Variants in DGKI observed in about 807,000 individuals in gnomAD.
DGKI encodes the protein DAG kinase iota.
In DGKI, 55 loss-of-function variants were observed where a neutral mutation model predicts 147.5. That is an observed-to-expected ratio of 0.37 (90% CI 0.30 to 0.47). The LOEUF (loss-of-function observed/expected upper bound fraction) is 0.47, where lower values mean the gene tolerates loss of function less well. Among genes scored for constraint, DGKI ranks in the 20% least tolerant of loss-of-function variants. DGKI has a pLI of 1.00. For synonymous variants in DGKI, 469 were observed against 477.1 expected, an observed-to-expected ratio of 0.98 and a Z score of 0.22; for missense variants, 1,007 against 1,323.8, an observed-to-expected ratio of 0.76 and a Z score of 3.71.
chr7:137,801,733 T>G (rs1797216273), intron 1 of DGKI, among the ~76,000 whole-genome samples: 1 of 152,126 alleles, frequency 6.6e-6, no homozygotes, highest in Non-Finnish European at 1.5e-5. Flanking sequence ...TTGCACCCAC[T>G]GGGGGTGAGA....
intron 1 of DGKI, among the ~76,000 whole-genome samples, chr7:137,818,453 G>A (rs144241798): frequency 3.4e-4 from 52 of 152,212 alleles, no homozygotes; most frequent in African/African-American, 1.3e-3. Flanking sequence ...TTGAGACGGA[G>A]TTTTGCTATT....
intron 28 of DGKI, among the ~76,000 whole-genome samples, chr7:137,424,221 A>G (rs1452678502): frequency 6.6e-6 from 1 of 152,224 alleles, no homozygotes; most frequent in East Asian, 1.9e-4. Context: ...TTACTTCTGA[A>G]GCATGCCCAA....
chr7:137,823,730 C>CA (rs1166132497), intron 1 of DGKI, among the ~76,000 whole-genome samples: 1 of 152,124 alleles, frequency 6.6e-6, no homozygotes, highest in Non-Finnish European at 1.5e-5. Context: ...CCAGTTCAGA[C>CA]AGGGCAAGAT....
Position 137,609,608 on chromosome 7 carries a change from T to C in DGKI, c.995A>G (p.Asn332Ser), listed in dbSNP as rs1485289391. 6.2e-7 allele frequency: 1 copy of C among 1,612,382 alleles called. No individual in the cohort carries two copies. The highest frequency in any genetic ancestry group is 8.5e-7 in the Non-Finnish European group (1 of 1,178,896). Reference protein sequence around the residue: ...TWIIKVKKPQNSLKASNRKKK... With the variant: ...TWIIKVKKPQSSLKASNRKKK... ...CTTCCGATTTGAAGCCTTCAGGGAG[T>C]TCTGTAGGGAGAGAGAGAAATGCCT... The change falls in exon 9 of 33, where the codon AAC becomes AGC. Residue 332 changes from asparagine (N) to serine (S), a missense_variant and splice_region_variant. Around this residue, in one of 5 missense-constraint regions of DGKI, gnomAD observed 259 missense variants for 362.5 expected, o/e 0.71. Transcript: ENST00000614521.
chr7:137,391,395 C>A, intron 32 of DGKI, 59 bp from the exon 33 acceptor site: 4 of 1,211,954 alleles, frequency 3.3e-6, no homozygotes, highest in South Asian at 1.5e-5. Flanking sequence ...AAGCGCTAGT[C>A]GTGAAATACA....
intron 23 of DGKI, among the ~76,000 whole-genome samples, chr7:137,477,631 T>C (rs372067910): frequency 1.3e-5 from 2 of 152,168 alleles, no homozygotes; most frequent in East Asian, 3.9e-4. Flanking sequence ...CACATGCAAA[T>C]TGTAAACACA....
intron 8 of DGKI, among the ~76,000 whole-genome samples, chr7:137,618,231 A>G (rs1237846538): frequency 3.5e-5 from 5 of 142,670 alleles, no homozygotes; most frequent in Non-Finnish European, 6.1e-5. Flanking sequence ...CGGTTATTAA[A>G]AAAAAAAAAA....
chr7:137,561,439 G>C (rs1233847210), intron 19 of DGKI, among the ~76,000 whole-genome samples: 1 of 151,614 alleles, frequency 6.6e-6, no homozygotes, highest in Admixed American at 6.6e-5. Context: ...GGGAGGGACA[G>C]GAAAAAACTT....
intron 9 of DGKI, 47 bp downstream of exon 9, chr7:137,609,488 T>C (rs375858531): frequency 2.3e-5 from 33 of 1,461,876 alleles, no homozygotes; most frequent in Non-Finnish European, 3.0e-5. Context: ...GAGTAGACTA[T>C]GGAAAGAAAG....
intron 27 of DGKI, chr7:137,454,718 G>A (rs1300777576): frequency 6.6e-6 from 1 of 152,074 alleles, no homozygotes; most frequent in East Asian, 1.9e-4. Flanking sequence ...AATAGAAAAG[G>A]CACATTATTC....
At chr7:137,445,294 G>A (rs1032542400) in intron 27 of DGKI, among the ~76,000 whole-genome samples, 2 of 152,176 alleles carry the variant, frequency 1.3e-5, no homozygotes, top group African/African-American at 4.8e-5. Flanking sequence ...ACCTCAATGA[G>A]TGGCAAAGTA....
chr7:137,669,907 G>A (rs557886985), intron 3 of DGKI, among the ~76,000 whole-genome samples: 22 of 152,196 alleles, frequency 1.4e-4, no homozygotes, highest in Non-Finnish European at 2.4e-4. Context: ...AAAGCATTGT[G>A]TGAGCATTTC....
At chr7:137,558,250 T>C (rs942990200) in intron 19 of DGKI, among the ~76,000 whole-genome samples, 3 of 149,958 alleles carry the variant, frequency 2.0e-5, no homozygotes, top group Admixed American at 1.3e-4. Flanking sequence ...GAATTAACAT[T>C]TCTAGGCACT....
chr7:137,599,768 A>G, intron 11 of DGKI, 55 bp downstream of exon 11: 1 of 1,536,792 alleles, frequency 6.5e-7, no homozygotes, highest in Non-Finnish European at 9.0e-7. Context: ...ATGAAGCAGA[A>G]AATTCTCACT....
chr7:137,636,720 C>T (rs1052660568), intron 6 of DGKI, among the ~76,000 whole-genome samples: 2 of 152,286 alleles, frequency 1.3e-5, no homozygotes, highest in East Asian at 3.9e-4. Context: ...AAGTGGGAAC[C>T]GTTAGGAGGT....
intron 21 of DGKI, among the ~76,000 whole-genome samples, chr7:137,501,451 G>A (rs977044713): frequency 6.6e-6 from 1 of 152,124 alleles, no homozygotes; most frequent in African/African-American, 2.4e-5. Flanking sequence ...GCTCCATTAT[G>A]TTGTCCATGG....
intron 28 of DGKI, among the ~76,000 whole-genome samples, chr7:137,417,257 G>A (rs1563005730): frequency 6.6e-6 from 1 of 152,304 alleles, no homozygotes; most frequent in East Asian, 1.9e-4. Flanking sequence ...AAGTTTTTAA[G>A]TATATGAATA....
At chr7:137,515,577 T>A (rs1486032378) in intron 21 of DGKI, among the ~76,000 whole-genome samples, 2 of 152,188 alleles carry the variant, frequency 1.3e-5, no homozygotes, top group Admixed American at 6.5e-5. Flanking sequence ...TTTTTACTTA[T>A]GTTATTAAAG....
intron 1 of DGKI, among the ~76,000 whole-genome samples, chr7:137,777,573 G>C (rs866335115): frequency 6.6e-6 from 1 of 152,184 alleles, no homozygotes; most frequent in Non-Finnish European, 1.5e-5. Flanking sequence ...ATCAGAATCA[G>C]CCTTTTCCTT....
Sources: allele counts gnomAD v4.1 joint callset (sites outside exome capture counted in the v4.1 genomes callset), GRCh38; gene constraint gnomAD v4.1.1; regional missense constraint gnomAD v4.1.1; transcripts MANE v1.5; gene names NCBI Gene and HGNC (gene_info 2026-07-23, HGNC 2026-07-21).